Variants in GRPEL2 observed in about 807,000 individuals in gnomAD.
GRPEL2 encodes grpE protein homolog 2, mitochondrial.
Under a neutral mutation model 25.9 loss-of-function variants are expected in GRPEL2, and 18 were observed. The observed-to-expected ratio is 0.70, with a 90% CI of 0.48 to 1.03. The LOEUF (loss-of-function observed/expected upper bound fraction) is 1.03, where lower values mean the gene tolerates loss of function less well. Ranked by LOEUF, GRPEL2 falls within the 50% of genes least tolerant of loss-of-function variation. The probability of loss-of-function intolerance (pLI) is 0.00; values close to 1 mark genes in which losing one functional copy is unlikely to be tolerated. For missense variants in GRPEL2, 247 were observed against 276.2 expected (o/e 0.89, Z 0.75); for synonymous variants, 106 against 107.9 (o/e 0.98, Z 0.11).
In GRPEL2 at chr5:149,352,339, T is replaced by C; in HGVS notation, c.*1057T>C. On this transcript the variant is annotated 3_prime_UTR_variant, in exon 4 of 4. Transcript: ENST00000329271. ...GCAATTTTTTTTTTTTTTCCTGTGT[T>C]GCCCAGGCTGACCTCCAACTCCTGG... 1 of 152,110 alleles carries C rather than the reference T, an allele frequency of 6.6e-6. No homozygotes were observed. The highest frequency in any genetic ancestry group is 1.5e-5 in the Non-Finnish European group (1 of 67,996). 9.4% of individuals were successfully genotyped at this position (152,110 alleles called of 1,614,324 possible).
At chr5:149,347,093 C>T (rs1489782969) in intron 1 of GRPEL2, among the ~76,000 whole-genome samples, 2 of 151,994 alleles carry the variant, frequency 1.3e-5, no homozygotes, top group Non-Finnish European at 2.9e-5. Flanking sequence ...GATGTTTCAC[C>T]GTGTGTAATT....
chr5:149,346,715 A>AT lies in GRPEL2; in HGVS notation c.77+1139dup, dbSNP rs34300270. On this transcript the variant is annotated intron_variant, in intron 1 of 3. Coordinates refer to ENST00000329271, the MANE Select transcript of GRPEL2 (RefSeq NM_152407.4). ...TTTTCCCTTTGAACTGGCCCTGAGA[A>AT]TTTTTTTTTTTTTTTTTTTTTTTTT... is the stretch of plus-strand genomic sequence containing the variant. Among the ~76,000 whole-genome samples the AT allele has an allele frequency of 3.4e-3, 202 of 59,258 alleles. 47 individuals carry two copies. The highest frequency in any genetic ancestry group is 5.2e-3 in the African/African-American group (63 of 12,204). The allele number at this position is 59,258 out of a possible 152,430, so 38.9% of individuals were successfully genotyped here.
At chr5:149,349,519 T>C (rs1757743813) in intron 2 of GRPEL2, 135 bp from the exon 3 acceptor site, 1 of 642,542 alleles carries the variant, frequency 1.6e-6, no homozygotes, top group Non-Finnish European at 2.7e-6. Context: ...GTAGCTGATC[T>C]AAGATTTCTG....
Position 149,349,660 on chromosome 5 carries a change from T to C in GRPEL2, c.238T>C (p.Tyr80His). The C allele has an allele frequency of 6.2e-7, 1 of 1,603,990 alleles. No homozygotes were observed. Among genetic ancestry groups the C allele is most frequent in the Non-Finnish European group, 8.5e-7 (1 of 1,175,086 alleles). ...TTTTGCTTTTGATATTCAGGTGAGA[T>C]ACCAGAGAGCTATAGCTGATTGTGA... ...EKEVQDLTVR[Y>H]QRAIADCENI... Residue 80 changes from tyrosine to histidine, a missense_variant, in exon 3 of 4, where the codon TAC (tyrosine) becomes CAC (histidine). Coordinates refer to ENST00000329271, the MANE Select transcript of GRPEL2 (RefSeq NM_152407.4).
At position 149,353,483 on chromosome 5, in the gene GRPEL2, C is replaced by T. The variant is rs931554979; in HGVS notation, c.*2201C>T. On this transcript the variant is annotated 3_prime_UTR_variant, in exon 4 of 4. Transcript: ENST00000329271. ...TAAAGAGATGTCTCTACCTAATGAG[C>T]TCAAGTGATCCTCCCACCTCAGCCT... 6 of 152,024 alleles carry T rather than the reference C, an allele frequency of 3.9e-5. No individual in the cohort carries two copies. Among genetic ancestry groups the T allele is most frequent in the African/African-American group, 1.4e-4 (6 of 41,396 alleles). The allele number at this position is 152,024 out of a possible 1,614,324, so 9.4% of individuals were successfully genotyped here.
chr5:149,345,611 G>C lies in GRPEL2; in HGVS notation c.72G>C (p.Glu24Asp). 1 of 1,609,634 alleles carries C rather than the reference G, an allele frequency of 6.2e-7. No individual in the cohort carries two copies. Among genetic ancestry groups the C allele is most frequent in the Non-Finnish European group, 8.5e-7 (1 of 1,178,382 alleles). ...QRLLAWSAAW[E>D]SKGWPLPFST... is the part of the protein sequence containing the mutation. The stretch of plus-strand genomic sequence containing the variant: ...TACTGGCCTGGAGTGCCGCGTGGGA[G>C]AGCAAGTAAGCATTGCAGGCGGGGA... The change falls in exon 1 of 4, where the codon GAG becomes GAC. Residue 24 changes from glutamate to aspartate, a missense_variant. By Grantham distance (45) the Glu-to-Asp change is conservative. This residue lies in a region of GRPEL2 where 125 missense variants were observed against 107.0 expected (regional missense o/e 1.17). Transcript: ENST00000329271.
In GRPEL2 at chr5:149,351,828, T is replaced by A. The variant is rs1032614083; in HGVS notation, c.*546T>A. 6.5e-6 allele frequency: 1 copy of A among 154,662 alleles called. No individual in the cohort carries two copies. The highest frequency in any genetic ancestry group is 2.4e-5 in the African/African-American group (1 of 41,446). 9.6% of individuals were successfully genotyped at this position (154,662 alleles called of 1,614,324 possible). ...TCTTGTAATCCCAACTAGATAGGCTTTATGCTCACATCATTGTCCCATACC... is the reference window on the plus strand; with the variant it reads ...TCTTGTAATCCCAACTAGATAGGCTATATGCTCACATCATTGTCCCATACC... On this transcript the variant is annotated 3_prime_UTR_variant, in exon 4 of 4. Coordinates refer to ENST00000329271, the MANE Select transcript of GRPEL2 (RefSeq NM_152407.4).
chr5:149,351,231 C>A lies in GRPEL2; in HGVS notation c.627C>A (p.Thr209=). The change falls in exon 4 of 4, where the codon ACC becomes ACA. Residue 209 remains threonine, a synonymous_variant. Coordinates refer to ENST00000329271, the MANE Select transcript of GRPEL2 (RefSeq NM_152407.4). ...RQDGYKLHGR[T]IRLARVEVAV... is the part of the protein sequence containing the mutation. ...ATGGCTACAAACTTCATGGCCGCAC[C>A]ATTAGGCTTGCCCGAGTGGAAGTGG... 2 of 1,613,386 alleles carry A rather than the reference C, an allele frequency of 1.2e-6. No homozygotes were observed. Among genetic ancestry groups the A allele is most frequent in the Non-Finnish European group, 1.7e-6 (2 of 1,179,366 alleles).
In GRPEL2 at chr5:149,345,511, T is replaced by G; in HGVS notation, c.-29T>G. On this transcript the variant is annotated 5_prime_UTR_variant, in exon 1 of 4. Transcript: ENST00000329271. ...TCTCTTCACTCGCAGCAAGTGCGCGTGCGCTGCCTCTCAGCCCAAATTGGA... is the reference window on the plus strand; with the variant it reads ...TCTCTTCACTCGCAGCAAGTGCGCGGGCGCTGCCTCTCAGCCCAAATTGGA... The G allele has an allele frequency of 6.3e-7, 1 of 1,598,328 alleles. No homozygotes were observed. Among genetic ancestry groups the G allele is most frequent in the Middle Eastern group, 1.7e-4 (1 of 6,038 alleles).
intron 1 of GRPEL2, 195 bp from the exon 2 acceptor site, chr5:149,348,077 G>T (rs1296414365): frequency 4.0e-5 from 21 of 519,904 alleles, no homozygotes; most frequent in Middle Eastern, 5.0e-4. Context: ...ACATATTGTT[G>T]TGAGAGGAAA....
Position 149,353,991 on chromosome 5 carries a change from T to C in GRPEL2, c.*2709T>C, listed in dbSNP as rs1757817910. Reference sequence around the variant, plus strand: ...TAAGTGAAATGTGTTAAATGCCTACTACAGTAGGTGCTCAGATATTTATTT... The same window carrying C: ...TAAGTGAAATGTGTTAAATGCCTACCACAGTAGGTGCTCAGATATTTATTT... On this transcript the variant is annotated 3_prime_UTR_variant, in exon 4 of 4. Transcript: ENST00000329271. 1 of 152,250 alleles carries C rather than the reference T, an allele frequency of 6.6e-6. No homozygotes were observed. Among genetic ancestry groups the C allele is most frequent in the South Asian group, 2.1e-4 (1 of 4,834 alleles). 9.4% of individuals were successfully genotyped at this position (152,250 alleles called of 1,614,324 possible).
Position 149,345,554 on chromosome 5 carries a change from G to T in GRPEL2, c.15G>T (p.Ser5=). The change falls in exon 1 of 4, where the codon TCG becomes TCT. Residue 5 remains serine (S), a synonymous_variant. Coordinates refer to ENST00000329271, the MANE Select transcript of GRPEL2 (RefSeq NM_152407.4). Reference sequence around the variant, plus strand: ...AAATTGGAAACATGGCCGTACGGTCGCTGTGGGCGGGCCGGCTGCGGGTGC... The same window carrying T: ...AAATTGGAAACATGGCCGTACGGTCTCTGTGGGCGGGCCGGCTGCGGGTGC... MAVR[S]LWAGRLRVQR... The T allele has an allele frequency of 1.9e-6, 3 of 1,611,756 alleles. No individual in the cohort carries two copies. The highest frequency in any genetic ancestry group is 2.5e-6 in the Non-Finnish European group (3 of 1,179,200).
At position 149,352,589 on chromosome 5, in the gene GRPEL2, A is replaced by G. The variant is rs1325142310; in HGVS notation, c.*1307A>G. 4.6e-5 allele frequency: 7 copies of G among 152,006 alleles called. 1 individual carries two copies. Among genetic ancestry groups the G allele is most frequent in the Admixed American group, 3.9e-4 (6 of 15,258 alleles). 9.4% of individuals were successfully genotyped at this position (152,006 alleles called of 1,614,324 possible). ...ATTAACCTCTAGAATTAATGGGCCT[A>G]TGTGGTTTTTTTTCAGTCTTATAGC... is the stretch of plus-strand genomic sequence containing the variant. On this transcript the variant is annotated 3_prime_UTR_variant, in exon 4 of 4. Coordinates refer to ENST00000329271, the MANE Select transcript of GRPEL2 (RefSeq NM_152407.4).
rs371691804 is a variant in GRPEL2 at position 149,351,045 on chromosome 5, G to A, written c.441G>A (p.Leu147=). ...KLTLEKVFRG[L]LLLEAKLKSV... is the part of the protein sequence containing the mutation. ...CTCTGGAGAAGGTCTTCCGAGGGTT[G>A]TTGCTTTTAGAAGCAAAGCTGAAAA... is the stretch of plus-strand genomic sequence containing the variant. Residue 147 remains leucine, a synonymous_variant, in exon 4 of 4, where the codon TTG becomes TTA. Transcript: ENST00000329271. 9.3e-6 allele frequency: 15 copies of A among 1,614,242 alleles called. No individual in the cohort carries two copies. The highest frequency in any genetic ancestry group is 1.3e-5 in the Non-Finnish European group (15 of 1,180,044).
At chr5:149,345,723 G>C in intron 1 of GRPEL2, 107 bp downstream of exon 1, 1 of 921,874 alleles carries the variant, frequency 1.1e-6, no homozygotes, top group South Asian at 1.6e-5. Flanking sequence ...GCGTAGGCCA[G>C]GGGACCAAGC....
rs199701997 is a variant in GRPEL2, at chr5:149,345,506, G to T, written c.-34G>T. 8.2e-6 allele frequency: 13 copies of T among 1,589,764 alleles called. No homozygotes were observed. The East Asian group carries it at 1.6e-4, about 19-fold the overall frequency. The stretch of plus-strand genomic sequence containing the variant: ...GAGCATCTCTTCACTCGCAGCAAGT[G>T]CGCGTGCGCTGCCTCTCAGCCCAAA... On this transcript the variant is annotated 5_prime_UTR_variant, in exon 1 of 4. Transcript: ENST00000329271.
chr5:149,351,449 T>G lies in GRPEL2; in HGVS notation c.*167T>G, dbSNP rs1757774720. 1 of 729,464 alleles carries G rather than the reference T, an allele frequency of 1.4e-6. No homozygotes were observed. The highest frequency in any genetic ancestry group is 1.8e-5 in the African/African-American group (1 of 56,486). 45.2% of individuals were successfully genotyped at this position (729,464 alleles called of 1,614,324 possible). A position where few individuals can be genotyped will look rare whatever the true frequency, so the allele number is the denominator to read the frequency against. ...TTCTATTGATTTAATGTGACCTGTT[T>G]GGTCTCATCAGAAGTCTTACCATTG... On this transcript the variant is annotated 3_prime_UTR_variant, in exon 4 of 4. Coordinates refer to ENST00000329271, the MANE Select transcript of GRPEL2 (RefSeq NM_152407.4).
In GRPEL2 at chr5:149,351,790, A is replaced by C. The variant is rs1757780515; in HGVS notation, c.*508A>C. The C allele has an allele frequency of 6.5e-6, 1 of 154,914 alleles. No homozygotes were observed. The highest frequency in any genetic ancestry group is 1.9e-4 in the East Asian group (1 of 5,202). The allele number at this position is 154,914 out of a possible 1,614,324, so 9.6% of individuals were successfully genotyped here. A position where few individuals can be genotyped will look rare whatever the true frequency, so the allele number is the denominator to read the frequency against. On this transcript the variant is annotated 3_prime_UTR_variant, in exon 4 of 4. Transcript: ENST00000329271. ...CCTTTTGTTTTGTTTTTTTCCTTTT[A>C]GCCATCTTTTGTTCTTGTAATCCCA...
chr5:149,348,303 C>G lies in GRPEL2; in HGVS notation c.109C>G (p.Gln37Glu), dbSNP rs1757720775. The change falls in exon 2 of 4, where the codon CAG (glutamine) becomes GAG (glutamate). Residue 37 changes from glutamine to glutamate, a missense_variant. Transcript: ENST00000329271. ...GWPLPFSTAT[Q>E]RTAGEDCRSE... ...GCCGCTTCCATTCAGCACTGCCACC[C>G]AGAGAACTGCTGGTGAGGACTGCCG... 4 of 1,610,738 alleles carry G rather than the reference C, an allele frequency of 2.5e-6. No homozygotes were observed. The highest frequency in any genetic ancestry group is 3.4e-6 in the Non-Finnish European group (4 of 1,179,290).
Sources: allele counts gnomAD v4.1 joint callset (sites outside exome capture counted in the v4.1 genomes callset), GRCh38; gene constraint gnomAD v4.1.1; regional missense constraint gnomAD v4.1.1; transcripts MANE v1.5; gene names NCBI Gene and HGNC (gene_info 2026-07-23, HGNC 2026-07-21).